ZNF608: variants seen among roughly 807,000 people sequenced by gnomAD.
ZNF608 encodes the protein zinc finger protein 608, also known as renal carcinoma antigen NY-REN-36.
Under a neutral mutation model 109.0 loss-of-function variants are expected in ZNF608, and 12 were observed. The ratio of observed to expected loss-of-function variants is 0.11; its 90% CI spans 0.07 to 0.18. ZNF608 has a LOEUF of 0.18. ZNF608 is among the 10% of genes least tolerant of loss of function. The probability of loss-of-function intolerance (pLI) is 1.00; values close to 1 mark genes in which losing one functional copy is unlikely to be tolerated. For missense variants in ZNF608, 1,707 were observed against 1,879.3 expected (o/e 0.91, Z 1.70); for synonymous variants, 732 against 717.4 (o/e 1.02, Z -0.33).
chr5:124,678,128 A>G (rs1752033695), intron 3 of ZNF608, among the ~76,000 whole-genome samples: 1 of 152,202 alleles, frequency 6.6e-6, no homozygotes. Flanking sequence ...TTCAGCTTGT[A>G]AAGTTCAATT....
intron 3 of ZNF608, among the ~76,000 whole-genome samples, chr5:124,696,187 GA>G (rs570623715): frequency 0.012 from 1,414 of 122,392 alleles, 9 homozygotes; most frequent in Middle Eastern, 0.049. Context: ...TCCGTCTCAA[GA>G]AAAAAAAAAA....
chr5:124,718,291 C>T (rs1361511294), intron 2 of ZNF608, among the ~76,000 whole-genome samples: 2 of 152,230 alleles, frequency 1.3e-5, no homozygotes, highest in Non-Finnish European at 2.9e-5. Context: ...TTCTCTTTCA[C>T]ATGCGTTAAA....
At chr5:124,650,446 T>A (rs1750726666) in intron 3 of ZNF608, among the ~76,000 whole-genome samples, 1 of 152,238 alleles carries the variant, frequency 6.6e-6, no homozygotes, top group Admixed American at 6.5e-5. Context: ...CGCATTTGCC[T>A]CAGAGGATTA....
In ZNF608 at chr5:124,641,465, C is replaced by A. The variant is rs927847418; in HGVS notation, c.4297-60G>T. On this transcript the variant is annotated intron_variant, in intron 7 of 9. Coordinates refer to ENST00000513986, the MANE Select transcript of ZNF608 (RefSeq NM_020747.3). ...CTCTGAAAATCAACTTTTAAGAGTA[C>A]TAAACCACCTTTGTCCCTTCGACAA... is the stretch of plus-strand genomic sequence containing the variant. The A allele has an allele frequency of 2.6e-6, 4 of 1,516,942 alleles. No homozygotes were observed. In the African/African-American group the frequency reaches 5.5e-5, roughly 21 times the overall value. The allele number at this position is 1,516,942 out of a possible 1,614,324, so 94.0% of individuals were successfully genotyped here.
chr5:124,671,041 G>A (rs1266931808), intron 3 of ZNF608, among the ~76,000 whole-genome samples: 3 of 152,148 alleles, frequency 2.0e-5, no homozygotes, highest in Non-Finnish European at 4.4e-5. Context: ...TGCAATTTAT[G>A]AGCAATGTCA....
chr5:124,724,609 CGTGTGT>C (rs113446719), intron 2 of ZNF608, among the ~76,000 whole-genome samples: 4 of 147,046 alleles, frequency 2.7e-5, no homozygotes, highest in Non-Finnish European at 6.0e-5. Flanking sequence ...TTCAACAGCA[CGTGTGT>C]GTGTGTGTGT....
intron 3 of ZNF608, among the ~76,000 whole-genome samples, chr5:124,668,135 T>C (rs2149810589): frequency 6.6e-6 from 1 of 150,892 alleles, no homozygotes; most frequent in East Asian, 1.9e-4. Flanking sequence ...GAGGATTCAC[T>C]TGAGCTCAGG....
chr5:124,649,194 A>G (rs1048922353), intron 4 of ZNF608, 61 bp from the exon 5 acceptor site: 1 of 1,399,596 alleles, frequency 7.1e-7, no homozygotes. Context: ...GTGAAATCAC[A>G]AAGTACACAA....
chr5:124,639,316 C>T (rs1750130433), intron 8 of ZNF608, 102 bp from the exon 9 acceptor site: 4 of 887,216 alleles, frequency 4.5e-6, no homozygotes, highest in Non-Finnish European at 7.4e-6. Flanking sequence ...GCATGGTGTC[C>T]TCTCCTAAAC....
intron 2 of ZNF608, chr5:124,708,600 T>C (rs1052743539): frequency 2.4e-6 from 1 of 412,424 alleles, no homozygotes; most frequent in African/African-American, 2.0e-5. Context: ...AAAACCTTAC[T>C]GAAACCAAAG....
Position 124,744,176 on chromosome 5 carries a change from C to T in ZNF608, c.814G>A (p.Asp272Asn). 2 of 1,613,672 alleles carry T rather than the reference C, an allele frequency of 1.2e-6. No homozygotes were observed. The highest frequency in any genetic ancestry group is 1.7e-6 in the Non-Finnish European group (2 of 1,180,006). Residue 272 changes from aspartate to asparagine, a missense_variant, in exon 2 of 10, where the codon GAT (aspartate) becomes AAT (asparagine). Physicochemically the swap from Asp to Asn is conservative, Grantham distance 23 (BLOSUM62 1). This residue lies in a region of ZNF608 where 407 missense variants were observed against 398.7 expected (regional missense o/e 1.02). Coordinates refer to ENST00000513986, the MANE Select transcript of ZNF608 (RefSeq NM_020747.3). The surrounding 1 kb of genome is among the most constrained non-coding windows in gnomAD (Gnocchi z 4.5). ...AAGEVSKSAP[D>N]SGLMGNSMLV... Reference sequence around the variant, plus strand: ...ATAGAGTTTCCCATGAGCCCTGAATCCGGGGCACTTTTGCTAACTTCCCCT... The same window carrying T: ...ATAGAGTTTCCCATGAGCCCTGAATTCGGGGCACTTTTGCTAACTTCCCCT...
intron 2 of ZNF608, among the ~76,000 whole-genome samples, chr5:124,723,386 G>A (rs1382234168): frequency 6.6e-6 from 1 of 151,674 alleles, no homozygotes; most frequent in East Asian, 2.0e-4. Context: ...TTACTCCAAG[G>A]TTAATAAATA....
intron 3 of ZNF608, among the ~76,000 whole-genome samples, chr5:124,687,447 A>G (rs1300624236): frequency 6.6e-6 from 1 of 152,214 alleles, no homozygotes; most frequent in East Asian, 1.9e-4. Context: ...TCAAATATAT[A>G]TATTGAAGAC....
intron 3 of ZNF608, chr5:124,666,543 C>G (rs1242274056): frequency 1.3e-5 from 2 of 152,126 alleles, no homozygotes; most frequent in African/African-American, 2.4e-5. Context: ...CAATCATGTA[C>G]CTGGCTCCTA....
At chr5:124,652,592 G>T (rs1466927857) in intron 3 of ZNF608, among the ~76,000 whole-genome samples, 2 of 152,184 alleles carry the variant, frequency 1.3e-5, no homozygotes, top group Admixed American at 6.5e-5. Flanking sequence ...TGGAATGAAG[G>T]CTTAAGGAAT....
Position 124,746,619 on chromosome 5 carries a change from C to CT in ZNF608, c.-609dup, listed in dbSNP as rs1458957206. 53 of 985,356 alleles carry CT rather than the reference C, an allele frequency of 5.4e-5. No homozygotes were observed. The African/African-American group carries it at 8.7e-4, about 16-fold the overall frequency. 61.0% of individuals were successfully genotyped at this position (985,356 alleles called of 1,614,324 possible). On this transcript the variant is annotated 5_prime_UTR_variant, in exon 1 of 10. Coordinates refer to ENST00000513986, the MANE Select transcript of ZNF608 (RefSeq NM_020747.3). ...TCAGTAATGATCCCATGTAGCAAACCTACAGGCGTCCGCTAGTAACGAGAC... is the reference window on the plus strand; with the variant it reads ...TCAGTAATGATCCCATGTAGCAAACCTTACAGGCGTCCGCTAGTAACGAGAC...
upstream of ZNF608, among the ~76,000 whole-genome samples, chr5:124,747,768 C>T (rs1433190930): frequency 6.6e-6 from 1 of 152,100 alleles, no homozygotes; most frequent in Non-Finnish European, 1.5e-5. Flanking sequence ...TAAAGAAACA[C>T]TTTATAAACC....
chr5:124,698,700 C>G (rs1386419549), intron 3 of ZNF608, among the ~76,000 whole-genome samples: 1 of 152,190 alleles, frequency 6.6e-6, no homozygotes. Context: ...GTAATAATAC[C>G]TTACAGCTCT....
chr5:124,654,577 T>A (rs9327336), intron 3 of ZNF608, among the ~76,000 whole-genome samples: 2 of 152,012 alleles, frequency 1.3e-5, no homozygotes, highest in Non-Finnish European at 1.5e-5. Context: ...CAGCACTGCA[T>A]ACACAGTTCT....
Sources: allele counts gnomAD v4.1 joint callset (sites outside exome capture counted in the v4.1 genomes callset), GRCh38; gene constraint gnomAD v4.1.1; regional missense constraint gnomAD v4.1.1; non-coding constraint Gnocchi (gnomAD v3.1); transcripts MANE v1.5; gene names NCBI Gene and HGNC (gene_info 2026-07-23, HGNC 2026-07-21).